Variants in DMD observed in about 807,000 individuals in gnomAD.
The protein encoded by DMD is mutant dystrophin.
In DMD, 63 loss-of-function variants were observed where a neutral mutation model predicts 330.1. That is an observed-to-expected ratio of 0.19 (90% CI 0.16 to 0.24). The LOEUF (loss-of-function observed/expected upper bound fraction) is 0.24, where lower values mean the gene tolerates loss of function less well. DMD is among the 10% of genes least tolerant of loss of function. The probability of loss-of-function intolerance (pLI) is 1.00; values close to 1 mark genes in which losing one functional copy is unlikely to be tolerated. For missense variants in DMD, 3,344 were observed against 2,684.1 expected, an observed-to-expected ratio of 1.25 and a Z score of -5.43; for synonymous variants, 1,223 against 959.8, an observed-to-expected ratio of 1.27 and a Z score of -5.07.
chrX:32,938,135 A>C (rs1207332895), intron 2 of DMD, among the ~76,000 whole-genome samples: 1 of 110,497 alleles, frequency 9.1e-6, no homozygotes, highest in Non-Finnish European at 1.9e-5. Flanking sequence ...TGATCTTTCC[A>C]CTCTCTTTAA....
chrX:32,478,457 T>A (rs929281572), intron 21 of DMD, among the ~76,000 whole-genome samples: 2 of 111,453 alleles, frequency 1.8e-5, no homozygotes, highest in Admixed American at 9.6e-5. Flanking sequence ...ATGACAAAAG[T>A]AAGCATTTCT....
chrX:33,223,259 C>A (rs1452213149), intron 1 of DMD, among the ~76,000 whole-genome samples: 5 of 111,734 alleles, frequency 4.5e-5, no homozygotes, highest in South Asian at 3.7e-4. Context: ...TGCAGTGAGC[C>A]GAGATCATGC....
intron 44 of DMD, among the ~76,000 whole-genome samples, chrX:31,981,860 C>A (rs140998200): frequency 3.6e-5 from 4 of 112,022 alleles, no homozygotes; most frequent in African/African-American, 1.3e-4. Context: ...AGAGAACTTG[C>A]GCAATACAGT....
At chrX:31,648,281 A>C (rs944771302) in intron 54 of DMD, among the ~76,000 whole-genome samples, 1 of 111,306 alleles carries the variant, frequency 9.0e-6, no homozygotes, top group African/African-American at 3.3e-5. Flanking sequence ...AAAGGAAAGA[A>C]GTTATTTCAA....
intron 55 of DMD, among the ~76,000 whole-genome samples, chrX:31,596,426 G>A (rs2148173806): frequency 8.9e-6 from 1 of 112,075 alleles, no homozygotes; most frequent in African/African-American, 3.2e-5. Flanking sequence ...ACTCCAATTT[G>A]ACAGATACTA....
intron 11 of DMD, among the ~76,000 whole-genome samples, chrX:32,616,690 C>CTTT (rs1173392895): frequency 0.015 from 907 of 60,175 alleles, 38 homozygotes; most frequent in African/African-American, 0.024. Context: ...GTTCTGGTTC[C>CTTT]TTTTTTTTTT....
At chrX:32,096,548 G>A (rs779941400) in intron 44 of DMD, among the ~76,000 whole-genome samples, 1 of 108,610 alleles carries the variant, frequency 9.2e-6, no homozygotes, top group East Asian at 2.9e-4. Flanking sequence ...AAGTTCCAAG[G>A]GATCCATTAA....
chrX:32,331,765 C>T (rs1223773556), intron 41 of DMD, among the ~76,000 whole-genome samples: 2 of 111,320 alleles, frequency 1.8e-5, no homozygotes, highest in African/African-American at 3.3e-5. Flanking sequence ...TTTTATTTAA[C>T]GTGCTACTTG....
chrX:33,098,338 A>T (rs2095197407), intron 1 of DMD, among the ~76,000 whole-genome samples: 1 of 112,137 alleles, frequency 8.9e-6, no homozygotes, highest in South Asian at 3.7e-4. Context: ...AATATACTGA[A>T]TAATATTGGT....
At chrX:31,246,931 GA>G (rs375712431) in intron 63 of DMD, among the ~76,000 whole-genome samples, 270 of 99,633 alleles carry the variant, frequency 2.7e-3, no homozygotes, top group Middle Eastern at 0.02. Flanking sequence ...GTCTTGGAAG[GA>G]AAAAAAAAAA....
chrX:32,340,883 T>A (rs1226059650), intron 41 of DMD, among the ~76,000 whole-genome samples: 1 of 111,729 alleles, frequency 9.0e-6, no homozygotes, highest in East Asian at 2.8e-4. Flanking sequence ...ACAGTTTCGC[T>A]ATTTCTCGTA....
intron 48 of DMD, among the ~76,000 whole-genome samples, chrX:31,844,811 T>C (rs2093383899): frequency 9.0e-6 from 1 of 111,270 alleles, no homozygotes; most frequent in South Asian, 3.8e-4. Flanking sequence ...CATTCTTGAT[T>C]TGGCTCTCAG....
intron 13 of DMD, among the ~76,000 whole-genome samples, chrX:32,582,207 G>C (rs1011299857): frequency 8.1e-5 from 9 of 111,019 alleles, no homozygotes; most frequent in African/African-American, 2.9e-4. Flanking sequence ...TAATTGGAAA[G>C]GGAGAAAGAA....
intron 30 of DMD, among the ~76,000 whole-genome samples, chrX:32,406,341 G>A (rs1426568607): frequency 1.8e-5 from 2 of 111,355 alleles, no homozygotes; most frequent in Non-Finnish European, 3.8e-5. Flanking sequence ...AGTTTTCAAA[G>A]GGAATGCTTC....
At chrX:31,220,973 A>G (rs2045968126) in intron 64 of DMD, among the ~76,000 whole-genome samples, 2 of 90,985 alleles carry the variant, frequency 2.2e-5, no homozygotes, top group Non-Finnish European at 4.1e-5. Flanking sequence ...GTCCAAGACA[A>G]TTCTTCTTCC....
intron 13 of DMD, among the ~76,000 whole-genome samples, chrX:32,585,704 A>G (rs1462707183): frequency 6.3e-5 from 2 of 31,816 alleles, no homozygotes; most frequent in African/African-American, 5.0e-4. Context: ...CGTCTCAAAA[A>G]AAAAAAAAAA....
At chrX:31,263,641 T>C (rs1255053475) in intron 62 of DMD, among the ~76,000 whole-genome samples, 1 of 111,627 alleles carries the variant, frequency 9.0e-6, no homozygotes, top group Non-Finnish European at 1.9e-5. Flanking sequence ...CATAGATAAA[T>C]GAACTCCTCA....
At chrX:31,922,463 G>T (rs181145475) in intron 47 of DMD, among the ~76,000 whole-genome samples, 131 of 110,615 alleles carry the variant, frequency 1.2e-3, no homozygotes, top group African/African-American at 4.1e-3. Context: ...AAGCCCATGG[G>T]TCAGAAGTTC....
intron 44 of DMD, among the ~76,000 whole-genome samples, chrX:32,024,073 A>G (rs1379586214): frequency 8.9e-6 from 1 of 112,077 alleles, no homozygotes; most frequent in African/African-American, 3.2e-5. Context: ...CGCTGAATCT[A>G]AAATAAAAGT....
Sources: gnomAD v4.1 joint callset for allele counts (sites outside exome capture counted in the v4.1 genomes callset) on GRCh38, gnomAD v4.1.1 for gene constraint, MANE v1.5 for transcripts, NCBI Gene and HGNC (gene_info 2026-07-23, HGNC 2026-07-21) for gene names.